PPP1R26: variants seen among roughly 807,000 people sequenced by gnomAD.
The protein encoded by PPP1R26 is protein phosphatase 1 regulatory subunit 26.
A neutral mutation model predicts 67.6 loss-of-function variants in PPP1R26; 22 were observed. The observed-to-expected ratio is 0.33, with a 90% CI of 0.23 to 0.46. PPP1R26 has a LOEUF of 0.46. PPP1R26 is among the 20% of genes least tolerant of loss of function. The pLI is 1.00. For missense variants in PPP1R26, 1,602 were observed against 1,651.4 expected, an observed-to-expected ratio of 0.97 and a Z score of 0.52; for synonymous variants, 729 against 717.2, an observed-to-expected ratio of 1.02 and a Z score of -0.26.
In PPP1R26 at chr9:135,485,212, G is replaced by T; in HGVS notation, c.702G>T (p.Leu234=). 1 of 1,612,890 alleles carries T rather than the reference G, an allele frequency of 6.2e-7. No homozygotes were observed. The highest frequency in any genetic ancestry group is 8.5e-7 in the Non-Finnish European group (1 of 1,179,884). Residue 234 remains leucine, a synonymous_variant, in exon 4 of 4, where the codon CTG becomes CTT. Transcript: ENST00000356818. This position sits in a 1 kb window ranked among gnomAD's most constrained non-coding sequence, Gnocchi z 7.2. ...QSIRAEIEQF[L]NEKRQHETQK... is the part of the protein sequence containing the mutation. Reference sequence around the variant, plus strand: ...TCAGGGCGGAAATAGAACAGTTTCTGAATGAGAAGAGACAGCATGAGACCC... The same window carrying T: ...TCAGGGCGGAAATAGAACAGTTTCTTAATGAGAAGAGACAGCATGAGACCC...
In PPP1R26 at chr9:135,487,529, C is replaced by T; in HGVS notation, c.3019C>T (p.Leu1007=). The change falls in exon 4 of 4, where the codon CTG becomes TTG. Residue 1007 remains leucine, a synonymous_variant. Transcript: ENST00000356818. ...CATGGGCTGCGGGAGCCCGAGCTTCCTGACCCCCAGCCCGGGAGCGGAGAG... is the reference window on the plus strand; with the variant it reads ...CATGGGCTGCGGGAGCCCGAGCTTCTTGACCCCCAGCCCGGGAGCGGAGAG... The part of the protein sequence containing the change: ...FHMGCGSPSF[L]TPSPGAERDA... The T allele has an allele frequency of 6.3e-7, 1 of 1,597,936 alleles. No homozygotes were observed. Among genetic ancestry groups the T allele is most frequent in the Non-Finnish European group, 8.5e-7 (1 of 1,173,294 alleles).
Position 135,482,794 on chromosome 9 carries a change from A to G in PPP1R26, c.-217A>G, listed in dbSNP as rs1219974223. On this transcript the variant is annotated 5_prime_UTR_variant, in exon 2 of 4. Coordinates refer to ENST00000356818, the MANE Select transcript of PPP1R26 (RefSeq NM_014811.5). ...ACTGGCTGCCATTTCATCACAGTCA[A>G]CCTGGACTCACAGAATTTCAAGTAA... 3.8e-5 allele frequency: 15 copies of G among 398,380 alleles called. No individual in the cohort carries two copies. The Admixed American group carries it at 6.2e-4, about 16-fold the overall frequency. 24.7% of individuals were successfully genotyped at this position (398,380 alleles called of 1,614,324 possible).
chr9:135,486,848 A>T lies in PPP1R26; in HGVS notation c.2338A>T (p.Met780Leu), dbSNP rs1319947369. The change falls in exon 4 of 4, where the codon ATG (methionine) becomes TTG (leucine). Residue 780 changes from methionine (M) to leucine (L), a missense_variant. Physicochemically the swap from Met to Leu is conservative, Grantham distance 15. Around this residue, in one of 5 missense-constraint regions of PPP1R26, gnomAD observed 740 missense variants for 696.3 expected, o/e 1.06. Coordinates refer to ENST00000356818, the MANE Select transcript of PPP1R26 (RefSeq NM_014811.5). This position sits in a 1 kb window ranked among gnomAD's most constrained non-coding sequence, Gnocchi z 6.2. ...TGTCTTTGGCAGCACGGCAGAGAGGATGAGGCAGGAGGGTGCCGCGAGCCA... is the reference window on the plus strand; with the variant it reads ...TGTCTTTGGCAGCACGGCAGAGAGGTTGAGGCAGGAGGGTGCCGCGAGCCA... ...PSVFGSTAER[M>L]RQEGAASQDA... 1 of 1,611,466 alleles carries T rather than the reference A, an allele frequency of 6.2e-7. No individual in the cohort carries two copies. The highest frequency in any genetic ancestry group is 1.7e-5 in the Admixed American group (1 of 59,854).
In PPP1R26 at chr9:135,484,049, G is replaced by A. The variant is rs568232790; in HGVS notation, c.-96G>A. The A allele has an allele frequency of 5.6e-4, 227 of 403,708 alleles. No homozygotes were observed. Among genetic ancestry groups the A allele is most frequent in the African/African-American group, 4.2e-3 (207 of 48,754 alleles). 25.0% of individuals were successfully genotyped at this position (403,708 alleles called of 1,614,324 possible). A position where few individuals can be genotyped will look rare whatever the true frequency, so the allele number is the denominator to read the frequency against. Reference sequence around the variant, plus strand: ...AAGCTGCAAAGAAGCATTTGCAGACGTTGTCTCATGGGTACCGCTTGCCAA... The same window carrying A: ...AAGCTGCAAAGAAGCATTTGCAGACATTGTCTCATGGGTACCGCTTGCCAA... On this transcript the variant is annotated 5_prime_UTR_variant, in exon 3 of 4. Coordinates refer to ENST00000356818, the MANE Select transcript of PPP1R26 (RefSeq NM_014811.5).
At position 135,485,879 on chromosome 9, in the gene PPP1R26, C is replaced by T. The variant is rs750399517; in HGVS notation, c.1369C>T (p.Pro457Ser). ...GCTCCTGAAGGAAACCAAAGCTCCA[C>T]CTCCAGCGAGCCCTGCTTCCAGGAG... ...PKLLKETKAP[P>S]PASPASRSEF... Residue 457 changes from proline (P) to serine (S), a missense_variant, in exon 4 of 4, where the codon CCT becomes TCT. Pro to Ser is a moderately conservative substitution (Grantham distance 74). Around this residue, in one of 5 missense-constraint regions of PPP1R26, gnomAD observed 680 missense variants for 726.1 expected, o/e 0.94. Transcript: ENST00000356818. The surrounding 1 kb of genome is among the most constrained non-coding windows in gnomAD (Gnocchi z 7.2). The T allele has an allele frequency of 8.7e-6, 14 of 1,613,420 alleles. No homozygotes were observed. The highest frequency in any genetic ancestry group is 2.2e-5 in the South Asian group (2 of 91,080).
chr9:135,482,651 T>C, intron 1 of PPP1R26, 32 bp from the exon 2 acceptor site: 1 of 398,426 alleles, frequency 2.5e-6, no homozygotes, highest in Non-Finnish European at 4.4e-6. Flanking sequence ...AGCCTGTAAT[T>C]AGATGCCTCT....
In PPP1R26 at chr9:135,484,860, G is replaced by A. The variant is rs769554017; in HGVS notation, c.350G>A (p.Gly117Asp). 3.1e-6 allele frequency: 5 copies of A among 1,608,792 alleles called. No homozygotes were observed. In the South Asian group the frequency reaches 3.3e-5, roughly 11 times the overall value. The change falls in exon 4 of 4, where the codon GGC becomes GAC. Residue 117 changes from glycine to aspartate, a missense_variant. This residue lies in a region of PPP1R26 where 168 missense variants were observed against 176.1 expected (regional missense o/e 0.95). Coordinates refer to ENST00000356818, the MANE Select transcript of PPP1R26 (RefSeq NM_014811.5). Reference sequence around the variant, plus strand: ...GGGGAGGAGGAAACTACAGACTTTGGCCCGTTGGTGCTAGATTCAGACAGT... The same window carrying A: ...GGGGAGGAGGAAACTACAGACTTTGACCCGTTGGTGCTAGATTCAGACAGT... ...PMGEEETTDF[G>D]PLVLDSDSDD...
In PPP1R26 at chr9:135,486,699, ACTT is replaced by A. The variant is rs1830745601; in HGVS notation, c.2193_2195del (p.Phe731del). On this transcript the variant is annotated inframe_deletion, in exon 4 of 4. Coordinates refer to ENST00000356818, the MANE Select transcript of PPP1R26 (RefSeq NM_014811.5). This position sits in a 1 kb window ranked among gnomAD's most constrained non-coding sequence, Gnocchi z 6.2. The stretch of plus-strand genomic sequence containing the variant: ...GTCAGGTTCAGCACAGCCCAGACGC[ACTT>A]CTTGGAGCAGCTGGGCGGGCTCCGG... 2 of 1,594,810 alleles carry A rather than the reference ACTT, an allele frequency of 1.3e-6. No homozygotes were observed. The highest frequency in any genetic ancestry group is 8.5e-7 in the Non-Finnish European group (1 of 1,171,256).
intron 1 of PPP1R26, among the ~76,000 whole-genome samples, chr9:135,481,150 G>A (rs1830501918): frequency 6.6e-6 from 1 of 152,032 alleles, no homozygotes; most frequent in East Asian, 1.9e-4. Flanking sequence ...CCTCAAGACC[G>A]TATCCTGAGG....
Position 135,486,875 on chromosome 9 carries a change from G to T in PPP1R26, c.2365G>T (p.Asp789Tyr). The stretch of plus-strand genomic sequence containing the variant: ...GAGGCAGGAGGGTGCCGCGAGCCAG[G>T]ACGCGGCCCTGGCCTTCCGGGTGAG... ...RMRQEGAASQ[D>Y]AALAFRVRRP... Residue 789 changes from aspartate to tyrosine, a missense_variant, in exon 4 of 4, where the codon GAC (aspartate) becomes TAC (tyrosine). Physicochemically the swap from Asp to Tyr is radical, Grantham distance 160 (BLOSUM62 -3). Around this residue, in one of 5 missense-constraint regions of PPP1R26, gnomAD observed 740 missense variants for 696.3 expected, o/e 1.06. Coordinates refer to ENST00000356818, the MANE Select transcript of PPP1R26 (RefSeq NM_014811.5). This position sits in a 1 kb window ranked among gnomAD's most constrained non-coding sequence, Gnocchi z 6.2. 6.2e-7 allele frequency: 1 copy of T among 1,612,386 alleles called. No homozygotes were observed. The highest frequency in any genetic ancestry group is 8.5e-7 in the Non-Finnish European group (1 of 1,179,786).
intron 3 of PPP1R26, 171 bp downstream of exon 3, chr9:135,484,253 T>C: frequency 1.9e-6 from 1 of 518,956 alleles, no homozygotes; most frequent in Non-Finnish European, 3.4e-6. Flanking sequence ...AAATTGTTCC[T>C]TTCCCAGCTG....
In PPP1R26 at chr9:135,484,853, G is replaced by C; in HGVS notation, c.343G>C (p.Asp115His). The change falls in exon 4 of 4, where the codon GAC becomes CAC. Residue 115 changes from aspartate to histidine, a missense_variant. This residue lies in a region of PPP1R26 where 168 missense variants were observed against 176.1 expected (regional missense o/e 0.95). Transcript: ENST00000356818. ...CCCCATGGGGGAGGAGGAAACTACA[G>C]ACTTTGGCCCGTTGGTGCTAGATTC... ...FDPMGEEETT[D>H]FGPLVLDSDS... is the part of the protein sequence containing the mutation. 1 of 1,609,658 alleles carries C rather than the reference G, an allele frequency of 6.2e-7. No homozygotes were observed. Among genetic ancestry groups the C allele is most frequent in the Non-Finnish European group, 8.5e-7 (1 of 1,179,116 alleles).
In PPP1R26 at chr9:135,486,655, G is replaced by A. The variant is rs61731948; in HGVS notation, c.2145G>A (p.Arg715=). 320 of 1,610,330 alleles carry A rather than the reference G, an allele frequency of 2.0e-4. 1 individual carries two copies. Among genetic ancestry groups the A allele is most frequent in the Non-Finnish European group, 2.6e-4 (303 of 1,179,056 alleles). The change falls in exon 4 of 4, where the codon AGG becomes AGA. Residue 715 remains arginine (R), a synonymous_variant. Coordinates refer to ENST00000356818, the MANE Select transcript of PPP1R26 (RefSeq NM_014811.5). This position sits in a 1 kb window ranked among gnomAD's most constrained non-coding sequence, Gnocchi z 6.2. ...TCAAGAAGAGGTGCAGGGAGCCCAGGGCTGCGTGCAGGAAGAAGGTCAGGT... is the reference window on the plus strand; with the variant it reads ...TCAAGAAGAGGTGCAGGGAGCCCAGAGCTGCGTGCAGGAAGAAGGTCAGGT... The part of the protein sequence containing the change: ...RKLKKRCREP[R]AACRKKVRFS...
At position 135,487,216 on chromosome 9, in the gene PPP1R26, C is replaced by T. The variant is rs372949310; in HGVS notation, c.2706C>T (p.Ala902=). The change falls in exon 4 of 4, where the codon GCC becomes GCT. Residue 902 remains alanine (A), a synonymous_variant. Coordinates refer to ENST00000356818, the MANE Select transcript of PPP1R26 (RefSeq NM_014811.5). ...SQRARGVPHL[A]EGLRGTESAG... Reference sequence around the variant, plus strand: ...GGGCCAGGGGGGTCCCACATCTGGCCGAAGGGCTTCGAGGCACAGAGAGCG... The same window carrying T: ...GGGCCAGGGGGGTCCCACATCTGGCTGAAGGGCTTCGAGGCACAGAGAGCG... 7.5e-6 allele frequency: 12 copies of T among 1,590,904 alleles called. No homozygotes were observed. Among genetic ancestry groups the T allele is most frequent in the South Asian group, 3.4e-5 (3 of 87,460 alleles).
chr9:135,486,241 C>T lies in PPP1R26; in HGVS notation c.1731C>T (p.Gly577=), dbSNP rs1206726114. ...CTGGCCTCAACAGCCAGACCGGCGG[C>T]CACAAGACCCCTCTCTCTAAAACAC... ...LPPGLNSQTG[G]HKTPLSKTPD... Residue 577 remains glycine (G), a synonymous_variant, in exon 4 of 4, where the codon GGC becomes GGT. Coordinates refer to ENST00000356818, the MANE Select transcript of PPP1R26 (RefSeq NM_014811.5). This position sits in a 1 kb window ranked among gnomAD's most constrained non-coding sequence, Gnocchi z 6.2. 6.2e-7 allele frequency: 1 copy of T among 1,612,974 alleles called. No homozygotes were observed. The highest frequency in any genetic ancestry group is 8.5e-7 in the Non-Finnish European group (1 of 1,180,026).
At position 135,484,679 on chromosome 9, in the gene PPP1R26, G is replaced by A. The variant is rs145468835; in HGVS notation, c.169G>A (p.Asp57Asn). 43 of 1,610,396 alleles carry A rather than the reference G, an allele frequency of 2.7e-5. No homozygotes were observed. Among genetic ancestry groups the A allele is most frequent in the African/African-American group, 8.0e-5 (6 of 74,940 alleles). ...VQMLISTLQR[D>N]GAARGTSDER... ...GATGCTTATCAGCACTCTGCAGCGC[G>A]ACGGGGCTGCTCGGGGCACCAGCGA... Residue 57 changes from aspartate to asparagine, a missense_variant, in exon 4 of 4, where the codon GAC (aspartate) becomes AAC (asparagine). By Grantham distance (23) the Asp-to-Asn change is conservative. Coordinates refer to ENST00000356818, the MANE Select transcript of PPP1R26 (RefSeq NM_014811.5).
Position 135,485,807 on chromosome 9 carries a change from A to G in PPP1R26, c.1297A>G (p.Thr433Ala). 6.2e-7 allele frequency: 1 copy of G among 1,612,822 alleles called. No individual in the cohort carries two copies. Among genetic ancestry groups the G allele is most frequent in the Non-Finnish European group, 8.5e-7 (1 of 1,179,952 alleles). ...PSKKKLVATK[T>A]MDPGPGGLDT... is the part of the protein sequence containing the mutation. ...CAAGAAGAAGCTAGTGGCCACCAAG[A>G]CCATGGACCCTGGTCCAGGGGGCCT... is the stretch of plus-strand genomic sequence containing the variant. Residue 433 changes from threonine (T) to alanine (A), a missense_variant, in exon 4 of 4, where the codon ACC becomes GCC. Coordinates refer to ENST00000356818, the MANE Select transcript of PPP1R26 (RefSeq NM_014811.5). The surrounding 1 kb of genome is among the most constrained non-coding windows in gnomAD (Gnocchi z 7.2).
chr9:135,481,287 G>A (rs1370664338), intron 1 of PPP1R26, among the ~76,000 whole-genome samples: 1 of 150,200 alleles, frequency 6.7e-6, no homozygotes, highest in Non-Finnish European at 1.5e-5. Flanking sequence ...TGTCGCCCAG[G>A]CTGGAGTGCA....
rs1455220241 is a variant in PPP1R26 at position 135,486,815 on chromosome 9, C to T, written c.2305C>T (p.Pro769Ser). The stretch of plus-strand genomic sequence containing the variant: ...CAGTGGCGAGGGTCCTGGGAAGAAA[C>T]CCCCCAGTGTCTTTGGCAGCACGGC... ...RDSGEGPGKK[P>S]PSVFGSTAER... The change falls in exon 4 of 4, where the codon CCC (proline) becomes TCC (serine). Residue 769 changes from proline (P) to serine (S), a missense_variant. Pro to Ser is a moderately conservative substitution (Grantham distance 74). This residue lies in a region of PPP1R26 where 740 missense variants were observed against 696.3 expected (regional missense o/e 1.06). Transcript: ENST00000356818. This position sits in a 1 kb window ranked among gnomAD's most constrained non-coding sequence, Gnocchi z 6.2. 2 of 1,607,364 alleles carry T rather than the reference C, an allele frequency of 1.2e-6. No homozygotes were observed. The highest frequency in any genetic ancestry group is 4.5e-5 in the East Asian group (2 of 44,696).
Sources: allele counts gnomAD v4.1 joint callset (sites outside exome capture counted in the v4.1 genomes callset), GRCh38; gene constraint gnomAD v4.1.1; regional missense constraint gnomAD v4.1.1; non-coding constraint Gnocchi (gnomAD v3.1); transcripts MANE v1.5; gene names NCBI Gene and HGNC (gene_info 2026-07-23, HGNC 2026-07-21).